Variants in KIAA0586 observed in about 807,000 individuals in gnomAD.
KIAA0586 encodes the protein protein TALPID3.
Under a neutral mutation model 169.8 loss-of-function variants are expected in KIAA0586, and 144 were observed. The observed-to-expected ratio is 0.85, with a 90% CI of 0.74 to 0.97. The LOEUF (loss-of-function observed/expected upper bound fraction) is 0.97, where lower values mean the gene tolerates loss of function less well. Among genes scored for constraint, KIAA0586 ranks in the 50% least tolerant of loss-of-function variants. The probability of loss-of-function intolerance (pLI) is 0.00; values close to 1 mark genes in which losing one functional copy is unlikely to be tolerated. For synonymous variants in KIAA0586, 625 were observed against 612.4 expected, an observed-to-expected ratio of 1.02 and a Z score of -0.30; for missense variants, 1,854 against 1,823.0, an observed-to-expected ratio of 1.02 and a Z score of -0.31.
intron 26 of KIAA0586, among the ~76,000 whole-genome samples, chr14:58,496,297 A>G (rs1289684308): frequency 6.6e-6 from 1 of 152,220 alleles, no homozygotes; most frequent in African/African-American, 2.4e-5. Context: ...GTATGAGACC[A>G]TTTTGTAAAT....
At chr14:58,526,997 G>T (rs1212995166) in intron 29 of KIAA0586, among the ~76,000 whole-genome samples, 1 of 152,054 alleles carries the variant, frequency 6.6e-6, no homozygotes, top group Non-Finnish European at 1.5e-5. Flanking sequence ...CACCAGTTTA[G>T]AGAAGAACAT....
intron 29 of KIAA0586, chr14:58,537,097 T>G (rs1267998216): frequency 8.1e-7 from 1 of 1,227,346 alleles, no homozygotes; most frequent in African/African-American, 1.6e-5. Context: ...CCGTGTTTGC[T>G]GTTTTAATCA....
At chr14:58,455,694 A>ATGTG in intron 9 of KIAA0586, among the ~76,000 whole-genome samples, 1 of 128,818 alleles carries the variant, frequency 7.8e-6, no homozygotes, top group South Asian at 2.7e-4. Context: ...GTGTGTGTGT[A>ATGTG]TGTGTGTGTG....
At position 58,466,037 on chromosome 14, in the gene KIAA0586, T is replaced by G; in HGVS notation, c.2254+8T>G. 6.5e-7 allele frequency: 1 copy of G among 1,550,312 alleles called. No individual in the cohort carries two copies. Among genetic ancestry groups the G allele is most frequent in the Admixed American group, 1.8e-5 (1 of 54,642 alleles). On this transcript the variant is annotated splice_region_variant and intron_variant, in intron 15 of 30. Transcript: ENST00000652326. ...CTATGGCAATTCTTTTAGGTAAGAA[T>G]CAACAAAATATGTGGGATGGATTTT...
chr14:58,513,995 A>G (rs1367700332), intron 29 of KIAA0586, among the ~76,000 whole-genome samples: 1 of 152,070 alleles, frequency 6.6e-6, no homozygotes, highest in Non-Finnish European at 1.5e-5. Context: ...TTAATTTTAC[A>G]TCTAATACAA....
intron 20 of KIAA0586, among the ~76,000 whole-genome samples, chr14:58,480,781 A>T (rs780305797): frequency 1.1e-4 from 17 of 152,224 alleles, no homozygotes; most frequent in Non-Finnish European, 2.1e-4. Flanking sequence ...AGCATAGCTC[A>T]CATGCCTCCT....
intron 20 of KIAA0586, among the ~76,000 whole-genome samples, chr14:58,478,170 C>T (rs2041786369): frequency 6.6e-6 from 1 of 152,126 alleles, no homozygotes; most frequent in Non-Finnish European, 1.5e-5. Context: ...TAGGTGTGCA[C>T]CACCATGCCC....
rs752628865 is a variant in KIAA0586 at position 58,488,920 on chromosome 14, A to G, written c.3781+46A>G. 3 of 1,566,188 alleles carry G rather than the reference A, an allele frequency of 1.9e-6. No individual in the cohort carries two copies. In the South Asian group the frequency reaches 3.4e-5, roughly 18 times the overall value. ...TGATTTTACTTGTTAGATTATGCTA[A>G]TTCCCTAAGTAATACTTTTCTATTT... is the stretch of plus-strand genomic sequence containing the variant. On this transcript the variant is annotated intron_variant, in intron 24 of 30. Coordinates refer to ENST00000652326, the MANE Select transcript of KIAA0586 (RefSeq NM_001329943.3).
At chr14:58,465,549 C>T (rs2040688735) in intron 14 of KIAA0586, among the ~76,000 whole-genome samples, 2 of 152,150 alleles carry the variant, frequency 1.3e-5, no homozygotes, top group Admixed American at 1.3e-4. Context: ...TTTCATTTGC[C>T]TCTAACTGTG....
Position 58,444,161 on chromosome 14 carries a change from CAAAT to C in KIAA0586, c.795_798del (p.Asp267PhefsTer31). ...GCATCTTGAAAAGTTACAACAACAA[CAAAT>C]AGATATTCAGGTATCTGTAATAAAT... is the stretch of plus-strand genomic sequence containing the variant. On this transcript the variant is annotated frameshift_variant, in exon 6 of 31. Transcript: ENST00000652326. LOFTEE classifies it high-confidence loss of function. 6.2e-7 allele frequency: 1 copy of C among 1,602,920 alleles called. No individual in the cohort carries two copies. The highest frequency in any genetic ancestry group is 8.5e-7 in the Non-Finnish European group (1 of 1,170,350).
rs867724568 is a variant in KIAA0586 at position 58,546,548 on chromosome 14, G to A, written c.4496-1233G>A. ...TTGTTTAAGGTAATTTATTTTTAAC[G>A]TATTTATTATTCTTATGTCTATGGT... On this transcript the variant is annotated intron_variant, in intron 30 of 30. Transcript: ENST00000652326. Among the ~76,000 whole-genome samples, 8 of 152,192 alleles carry A rather than the reference G, an allele frequency of 5.3e-5. No individual in the cohort carries two copies. The East Asian group carries it at 5.8e-4, about 11-fold the overall frequency.
intron 29 of KIAA0586, among the ~76,000 whole-genome samples, chr14:58,528,309 A>T (rs774590339): frequency 2.0e-5 from 3 of 152,174 alleles, no homozygotes; most frequent in African/African-American, 4.8e-5. Flanking sequence ...ACAGAAAATT[A>T]ACAAGGATAA....
intron 4 of KIAA0586, among the ~76,000 whole-genome samples, chr14:58,433,893 G>C (rs537021095): frequency 1.3e-5 from 2 of 152,112 alleles, no homozygotes; most frequent in South Asian, 4.2e-4. Context: ...CAGGTACTTG[G>C]GAGGCTGAGG....
chr14:58,557,931 G>A, the KIAA0586 span, among the ~76,000 whole-genome samples: 1 of 17,086 alleles, frequency 5.9e-5, no homozygotes, highest in African/African-American at 2.9e-4. Flanking sequence ...TTTTTTTTGA[G>A]ACAGGGTTTG....
chr14:58,437,333 G>A (rs1235501185), intron 4 of KIAA0586, among the ~76,000 whole-genome samples: 3 of 152,144 alleles, frequency 2.0e-5, no homozygotes, highest in Non-Finnish European at 2.9e-5. Context: ...AAATCCTTGT[G>A]GGGGATAACT....
intron 27 of KIAA0586, among the ~76,000 whole-genome samples, chr14:58,501,498 T>C (rs1226522703): frequency 6.6e-6 from 1 of 152,204 alleles, no homozygotes; most frequent in Non-Finnish European, 1.5e-5. Context: ...GTTGAAATGT[T>C]ACAGAATAAA....
chr14:58,515,605 T>G (rs760336586), intron 29 of KIAA0586, among the ~76,000 whole-genome samples: 1 of 152,118 alleles, frequency 6.6e-6, no homozygotes, highest in East Asian at 1.9e-4. Flanking sequence ...ACCATAGTTA[T>G]AAGGGTTTTA....
At chr14:58,531,892 G>A (rs2045992069) in intron 29 of KIAA0586, among the ~76,000 whole-genome samples, 1 of 152,100 alleles carries the variant, frequency 6.6e-6, no homozygotes, top group Non-Finnish European at 1.5e-5. Flanking sequence ...GCAGGGACAT[G>A]GATGAAGCTG....
At chr14:58,541,307 C>T (rs1439403982) in intron 30 of KIAA0586, among the ~76,000 whole-genome samples, 1 of 152,208 alleles carries the variant, frequency 6.6e-6, no homozygotes, top group Non-Finnish European at 1.5e-5. Flanking sequence ...TGGAGCACAT[C>T]TTTAATGGAA....
Sources: allele counts gnomAD v4.1 joint callset (sites outside exome capture counted in the v4.1 genomes callset), GRCh38; gene constraint gnomAD v4.1.1; transcripts MANE v1.5; gene names NCBI Gene and HGNC (gene_info 2026-07-23, HGNC 2026-07-21).